MLXIP: variants seen among roughly 807,000 people sequenced by gnomAD.
MLXIP encodes MLX-interacting protein.
Under a neutral mutation model 87.2 loss-of-function variants are expected in MLXIP, and 30 were observed. The ratio of observed to expected loss-of-function variants is 0.34; its 90% CI spans 0.26 to 0.47. The LOEUF is 0.47. MLXIP is among the 20% of genes least tolerant of loss of function. The probability of loss-of-function intolerance (pLI) is 1.00; values close to 1 mark genes in which losing one functional copy is unlikely to be tolerated. For missense variants in MLXIP, 1,002 were observed against 1,240.1 expected (o/e 0.81, Z 2.88); for synonymous variants, 530 against 514.0 (o/e 1.03, Z -0.42).
chr12:122,135,404 TG>T lies in MLXIP; in HGVS notation c.1854+62del. 6.2e-7 allele frequency: 1 copy of T among 1,600,246 alleles called. No individual in the cohort carries two copies. Among genetic ancestry groups the T allele is most frequent in the East Asian group, 2.2e-5 (1 of 44,784 alleles). On this transcript the variant is annotated intron_variant, in intron 10 of 16. Coordinates refer to ENST00000319080, the MANE Select transcript of MLXIP (RefSeq NM_014938.6). This position sits in a 1 kb window ranked among gnomAD's most constrained non-coding sequence, Gnocchi z 5.3. The stretch of plus-strand genomic sequence containing the variant: ...TTCTCACCCCGGAGCACTCTGATCT[TG>T]GGCGGCCCTCACCTGAGACGACTGG...
intron 1 of MLXIP, among the ~76,000 whole-genome samples, chr12:122,113,747 C>T (rs924270485): frequency 5.5e-4 from 70 of 128,348 alleles, no homozygotes; most frequent in African/African-American, 1.7e-3. Context: ...TACAGTGGTA[C>T]GATCTCAGCT....
At position 122,135,868 on chromosome 12, in the gene MLXIP, C is replaced by G; in HGVS notation, c.2032+202C>G. On this transcript the variant is annotated intron_variant, in intron 11 of 16. Transcript: ENST00000319080. This position sits in a 1 kb window ranked among gnomAD's most constrained non-coding sequence, Gnocchi z 5.3. ...ATGAAATGTGGTGGCACTGGCAGGG[C>G]AAAAAGTAGTGAACATGTGGCAGTG... is the stretch of plus-strand genomic sequence containing the variant. 1 of 638,250 alleles carries G rather than the reference C, an allele frequency of 1.6e-6. No homozygotes were observed. The highest frequency in any genetic ancestry group is 2.5e-6 in the Non-Finnish European group (1 of 397,704). 39.5% of individuals were successfully genotyped at this position (638,250 alleles called of 1,614,324 possible). A position where few individuals can be genotyped will look rare whatever the true frequency, so the allele number is the denominator to read the frequency against.
chr12:122,143,515 C>T lies in MLXIP; in HGVS notation c.*1703C>T, dbSNP rs1953247236. 6.6e-6 allele frequency: 1 copy of T among 152,306 alleles called. No individual in the cohort carries two copies. The highest frequency in any genetic ancestry group is 2.1e-4 in the South Asian group (1 of 4,828). The allele number at this position is 152,306 out of a possible 1,614,324, so 9.4% of individuals were successfully genotyped here. A position where few individuals can be genotyped will look rare whatever the true frequency, so the allele number is the denominator to read the frequency against. ...TCCCCTGGAAAATGGTAACAGACTCCATCCTTGACCCGGGGATGAGCATGA... is the reference window on the plus strand; with the variant it reads ...TCCCCTGGAAAATGGTAACAGACTCTATCCTTGACCCGGGGATGAGCATGA... On this transcript the variant is annotated 3_prime_UTR_variant, in exon 17 of 17. Transcript: ENST00000319080.
At chr12:122,134,019 T>A (rs1565985577) in intron 9 of MLXIP, 32 bp downstream of exon 9, 1 of 1,548,488 alleles carries the variant, frequency 6.5e-7, no homozygotes, top group Non-Finnish European at 8.7e-7. Flanking sequence ...AGTGCGGGGC[T>A]CCCCCCGACC....
rs561553255 is a variant in MLXIP at position 122,121,197 on chromosome 12, A to G, written c.414-6059A>G. On this transcript the variant is annotated intron_variant, in intron 1 of 16. Transcript: ENST00000319080. ...GCTAATTTTTGTATTTTTAGTAGAGATGGAGTTTCACCATGTTGGCCAGGA... is the reference window on the plus strand; with the variant it reads ...GCTAATTTTTGTATTTTTAGTAGAGGTGGAGTTTCACCATGTTGGCCAGGA... 4.7e-5 allele frequency among the ~76,000 whole-genome samples: 7 copies of G among 150,186 alleles called. No homozygotes were observed. The South Asian group carries it at 1.1e-3, about 23-fold the overall frequency.
intron 1 of MLXIP, among the ~76,000 whole-genome samples, chr12:122,113,460 G>T (rs1952634949): frequency 1.3e-5 from 2 of 151,792 alleles, no homozygotes; most frequent in South Asian, 4.2e-4. Context: ...TAGAGATATG[G>T]TTTCGCCATG....
At chr12:122,094,604 G>A (rs1952318177) in intron 1 of MLXIP, among the ~76,000 whole-genome samples, 1 of 143,260 alleles carries the variant, frequency 7.0e-6, no homozygotes, top group South Asian at 2.3e-4. Context: ...TGTTGGTGTT[G>A]TGTGTGTGGT....
In MLXIP at chr12:122,121,010, G is replaced by GTTTTTT. The variant is rs1233404015; in HGVS notation, c.414-6233_414-6228dup. On this transcript the variant is annotated intron_variant, in intron 1 of 16. Transcript: ENST00000319080. ...AGCCCCAGAGCCCTCTGCATGCTTG[G>GTTTTTT]TTTTTTTTTTTTTTTTTTGAAACGG... Among the ~76,000 whole-genome samples the GTTTTTT allele has an allele frequency of 4.2e-3, 467 of 111,794 alleles. 31 individuals carry two copies. The highest frequency in any genetic ancestry group is 5.4e-3 in the Non-Finnish European group (315 of 57,938). 73.3% of individuals were successfully genotyped at this position (111,794 alleles called of 152,430 possible). A position where few individuals can be genotyped will look rare whatever the true frequency, so the allele number is the denominator to read the frequency against.
Position 122,135,897 on chromosome 12 carries a change from G to C in MLXIP, c.2032+231G>C. On this transcript the variant is annotated intron_variant, in intron 11 of 16. Transcript: ENST00000319080. This position sits in a 1 kb window ranked among gnomAD's most constrained non-coding sequence, Gnocchi z 5.3. ...AAGTAGTGAACATGTGGCAGTGTAG[G>C]TGACCCGTGTGCTCGGGGAGTCCCT... The C allele has an allele frequency of 1.9e-6, 1 of 524,916 alleles. No individual in the cohort carries two copies. The highest frequency in any genetic ancestry group is 3.3e-6 in the Non-Finnish European group (1 of 306,312). 32.5% of individuals were successfully genotyped at this position (524,916 alleles called of 1,614,324 possible). A position where few individuals can be genotyped will look rare whatever the true frequency, so the allele number is the denominator to read the frequency against.
chr12:122,099,951 G>A (rs1818360510), intron 1 of MLXIP, among the ~76,000 whole-genome samples: 1 of 152,136 alleles, frequency 6.6e-6, no homozygotes, highest in Non-Finnish European at 1.5e-5. Context: ...TGAATCAATA[G>A]CTCTCCAAGT....
In MLXIP at chr12:122,128,157, C is replaced by A. The variant is rs1355083580; in HGVS notation, c.606+189C>A. ...CTGGCAACCCCAGGCTGCAGAGCCT[C>A]CCCCTTCTCAGAGGGACTGGCCCAG... On this transcript the variant is annotated intron_variant, in intron 3 of 16. Transcript: ENST00000319080. 4 of 576,480 alleles carry A rather than the reference C, an allele frequency of 6.9e-6. No homozygotes were observed. The African/African-American group carries it at 7.5e-5, about 11-fold the overall frequency. 35.7% of individuals were successfully genotyped at this position (576,480 alleles called of 1,614,324 possible).
intron 1 of MLXIP, among the ~76,000 whole-genome samples, chr12:122,095,595 C>T (rs1205605927): frequency 1.3e-5 from 2 of 151,922 alleles, no homozygotes; most frequent in Non-Finnish European, 2.9e-5. Flanking sequence ...ATCTTTCAGG[C>T]CTCCTTCCAG....
rs1286518912 is a variant in MLXIP at position 122,137,152 on chromosome 12, A to C, written c.2033-317A>C. ...TTGGCTCTATAAAAAATGTTTTTTAATTAAAAAATATAATAATAATAAAGA... is the reference window on the plus strand; with the variant it reads ...TTGGCTCTATAAAAAATGTTTTTTACTTAAAAAATATAATAATAATAAAGA... On this transcript the variant is annotated intron_variant, in intron 11 of 16. Transcript: ENST00000319080. The surrounding 1 kb of genome is among the most constrained non-coding windows in gnomAD (Gnocchi z 4.1). The C allele has an allele frequency of 6.1e-6, 1 of 164,906 alleles. No individual in the cohort carries two copies. Among genetic ancestry groups the C allele is most frequent in the East Asian group, 1.6e-4 (1 of 6,300 alleles). The allele number at this position is 164,906 out of a possible 1,614,324, so 10.2% of individuals were successfully genotyped here. A position where few individuals can be genotyped will look rare whatever the true frequency, so the allele number is the denominator to read the frequency against.
In MLXIP at chr12:122,142,293, G is replaced by T. The variant is rs1190963066; in HGVS notation, c.*481G>T. The T allele has an allele frequency of 1.5e-6, 1 of 686,078 alleles. No individual in the cohort carries two copies. Among genetic ancestry groups the T allele is most frequent in the Admixed American group, 2.0e-5 (1 of 49,500 alleles). 42.5% of individuals were successfully genotyped at this position (686,078 alleles called of 1,614,324 possible). On this transcript the variant is annotated 3_prime_UTR_variant, in exon 17 of 17. Transcript: ENST00000319080. ...GGTCTGCCCGTGGGGCAGTTGGAAG[G>T]CGTCTTTCTTTCTCCCCTCAACTCT... is the stretch of plus-strand genomic sequence containing the variant.
intron 1 of MLXIP, among the ~76,000 whole-genome samples, chr12:122,121,348 C>G (rs1420834759): frequency 7.7e-6 from 1 of 130,586 alleles, no homozygotes; most frequent in African/African-American, 3.0e-5. Flanking sequence ...TGGAGTCTTG[C>G]TCTGCTGCCC....
chr12:122,091,327 A>G (rs1247555168), intron 1 of MLXIP, among the ~76,000 whole-genome samples: 1 of 152,106 alleles, frequency 6.6e-6, no homozygotes, highest in Non-Finnish European at 1.5e-5. Flanking sequence ...TTCCTTCTAG[A>G]CTGAAGATGA....
At chr12:122,139,087 G>C in intron 15 of MLXIP, 149 bp downstream of exon 15, 1 of 1,301,520 alleles carries the variant, frequency 7.7e-7, no homozygotes, top group Non-Finnish European at 1.0e-6. Flanking sequence ...TATCTCGGGA[G>C]AGAGTGGTCC....
At position 122,079,205 on chromosome 12, in the gene MLXIP, T is replaced by C; in HGVS notation, c.352T>C (p.Cys118Arg). 6.4e-7 allele frequency: 1 copy of C among 1,551,220 alleles called. No individual in the cohort carries two copies. The highest frequency in any genetic ancestry group is 8.7e-7 in the Non-Finnish European group (1 of 1,146,804). ...QTYSFGKTSS[C>R]HLSIDASLTK... ...CTACAGCTTCGGCAAGACTAGCTCC[T>C]GCCACCTGTCCATCGACGCCTCGCT... The change falls in exon 1 of 17, where the codon TGC (cysteine) becomes CGC (arginine). Residue 118 changes from cysteine to arginine, a missense_variant. This residue lies in a region of MLXIP where 127 missense variants were observed against 239.0 expected (regional missense o/e 0.53). Transcript: ENST00000319080.
Position 122,079,080 on chromosome 12 carries a change from T to A in MLXIP, c.227T>A (p.Ile76Asn). The A allele has an allele frequency of 6.5e-7, 1 of 1,535,600 alleles. No homozygotes were observed. Among genetic ancestry groups the A allele is most frequent in the Non-Finnish European group, 8.8e-7 (1 of 1,141,716 alleles). Residue 76 changes from isoleucine (I) to asparagine (N), a missense_variant, in exon 1 of 17, where the codon ATC (isoleucine) becomes AAC (asparagine). By Grantham distance (149) the Ile-to-Asn change is moderately radical. Transcript: ENST00000319080. ...GREEPPRRQQ[I>N]IHSGHFMVSS... ...GAGGAACCTCCGCGCCGCCAGCAGA[T>A]CATCCACAGCGGCCACTTCATGGTG...
Sources: allele counts gnomAD v4.1 joint callset (sites outside exome capture counted in the v4.1 genomes callset), GRCh38; gene constraint gnomAD v4.1.1; regional missense constraint gnomAD v4.1.1; non-coding constraint Gnocchi (gnomAD v3.1); transcripts MANE v1.5; gene names NCBI Gene and HGNC (gene_info 2026-07-23, HGNC 2026-07-21).